PREPL: variants seen among roughly 807,000 people sequenced by gnomAD.
PREPL encodes prolyl endopeptidase-like.
A neutral mutation model predicts 70.6 loss-of-function variants in PREPL; 77 were observed. That is an observed-to-expected ratio of 1.09 (90% CI 0.91 to 1.32). The LOEUF is 1.32. PREPL is among the 40% of genes most tolerant of loss of function. The pLI, the probability that PREPL is intolerant of heterozygous loss-of-function variation, is 0.00. For missense variants in PREPL, 1,002 were observed against 778.2 expected, an observed-to-expected ratio of 1.29 and a Z score of -3.42; for synonymous variants, 315 against 264.8, an observed-to-expected ratio of 1.19 and a Z score of -1.84.
intron 7 of PREPL, 71 bp from the exon 8 acceptor site, chr2:44,332,727 C>A (rs540601566): frequency 1.2e-5 from 15 of 1,241,796 alleles, no homozygotes; most frequent in Non-Finnish European, 1.6e-5. Context: ...ATTTCTAAGT[C>A]TTCTCCAAAC....
In PREPL at chr2:44,323,424, C is replaced by A; in HGVS notation, c.1480-13G>T. 1 of 1,564,570 alleles carries A rather than the reference C, an allele frequency of 6.4e-7. No individual in the cohort carries two copies. The highest frequency in any genetic ancestry group is 8.7e-7 in the Non-Finnish European group (1 of 1,155,124). On this transcript the variant is annotated splice_polypyrimidine_tract_variant and intron_variant, in intron 10 of 13. Transcript: ENST00000409411. ...CCAAGAAAGGTGCCTAAAAAAAAGG[C>A]AAAGAAACTTATACTTCAAGTAAGA...
chr2:44,331,734 T>C (rs1030711376), intron 8 of PREPL, among the ~76,000 whole-genome samples: 2 of 152,160 alleles, frequency 1.3e-5, no homozygotes, highest in Non-Finnish European at 2.9e-5. Context: ...CAGTACATTA[T>C]TAATGACTTT....
chr2:44,345,566 T>C (rs191182592), intron 2 of PREPL, among the ~76,000 whole-genome samples: 145 of 152,252 alleles, frequency 9.5e-4, no homozygotes, highest in Non-Finnish European at 1.5e-3. Context: ...TAGGCTGGTC[T>C]TGAACTCTTG....
Position 44,323,248 on chromosome 2 carries a change from T to C in PREPL, c.1629+14A>G, listed in dbSNP as rs748376274. On this transcript the variant is annotated intron_variant, in intron 11 of 13. Transcript: ENST00000409411. ...GTAAATTCAGGATAATCTAACACAATTGTCTTTCACTACCTGAGGTTTAAT... is the reference window on the plus strand; with the variant it reads ...GTAAATTCAGGATAATCTAACACAACTGTCTTTCACTACCTGAGGTTTAAT... 3.1e-5 allele frequency: 49 copies of C among 1,578,918 alleles called. No homozygotes were observed. In the African/African-American group the frequency reaches 5.9e-4, roughly 19 times the overall value.
At chr2:44,350,783 A>C (rs1382005679) in intron 1 of PREPL, among the ~76,000 whole-genome samples, 2 of 152,192 alleles carry the variant, frequency 1.3e-5, no homozygotes, top group Non-Finnish European at 1.5e-5. Flanking sequence ...AAAGTGCAAA[A>C]GTTAATGTTC....
chr2:44,349,387 G>T (rs1166708624), intron 1 of PREPL, among the ~76,000 whole-genome samples: 2 of 152,096 alleles, frequency 1.3e-5, no homozygotes, highest in Non-Finnish European at 1.5e-5. Context: ...AACTGAAGGG[G>T]TTTCTACAGG....
rs141691599 is a variant in PREPL at position 44,338,423 on chromosome 2, T to C, written c.816A>G (p.Leu272=). 30 of 1,613,442 alleles carry C rather than the reference T, an allele frequency of 1.9e-5. No individual in the cohort carries two copies. The highest frequency in any genetic ancestry group is 2.5e-5 in the Non-Finnish European group (29 of 1,179,836). Residue 272 remains leucine (L), a synonymous_variant, in exon 7 of 14, where the codon CTA becomes CTG. Transcript: ENST00000409411. ...AAAGGAGATTGCTGTGCTTCAGAAA[T>C]AGAACACAGTGATCCTTAAACATGT... ...DLDMFKDHCV[L]FLKHSNLLYV...
intron 1 of PREPL, among the ~76,000 whole-genome samples, chr2:44,355,360 A>G (rs1249422098): frequency 2.0e-5 from 3 of 152,216 alleles, no homozygotes; most frequent in Non-Finnish European, 2.9e-5. Flanking sequence ...CAGCCTAGCC[A>G]ACATGGCGAA....
In PREPL at chr2:44,322,749, C is replaced by T; in HGVS notation, c.1735G>A (p.Ala579Thr). 3 of 1,613,786 alleles carry T rather than the reference C, an allele frequency of 1.9e-6. No individual in the cohort carries two copies. The highest frequency in any genetic ancestry group is 1.7e-6 in the Non-Finnish European group (2 of 1,179,764). The change falls in exon 12 of 14, where the codon GCT becomes ACT. Residue 579 changes from alanine (A) to threonine (T), a missense_variant. Ala to Thr is a moderately conservative substitution (Grantham distance 58). Transcript: ENST00000409411. ...CTCCTACCTTCACCTGTGTCCTTAG[C>T]ATGCTCCGCGATGGCTTCCTTGAGT... is the stretch of plus-strand genomic sequence containing the variant. ...EKLKEAIAEH[A>T]KDTGEGYQTP...
At chr2:44,331,499 C>T (rs1190865026) in intron 8 of PREPL, among the ~76,000 whole-genome samples, 1 of 152,202 alleles carries the variant, frequency 6.6e-6, no homozygotes, top group Non-Finnish European at 1.5e-5. Context: ...AGCCACTGTG[C>T]CCGGCCAGCC....
At chr2:44,355,352 G>C (rs1572575985) in intron 1 of PREPL, among the ~76,000 whole-genome samples, 1 of 152,152 alleles carries the variant, frequency 6.6e-6, no homozygotes, top group African/African-American at 2.4e-5. Context: ...TTCCAGACCA[G>C]CCTAGCCAAC....
intron 12 of PREPL, among the ~76,000 whole-genome samples, chr2:44,322,504 TCCTG>T (rs373930036): frequency 1.8e-4 from 28 of 152,366 alleles, no homozygotes; most frequent in African/African-American, 6.7e-4. Flanking sequence ...TTCCTTTGTG[TCCTG>T]CCTATCTATT....
At position 44,321,019 on chromosome 2, in the gene PREPL, G is replaced by C. The variant is rs1672895394; in HGVS notation, c.*337C>G. ...GTGTCTAAAAGCATTTGCTAGCAAA[G>C]AGGCAGGACACTAATTTGTAAACTG... On this transcript the variant is annotated 3_prime_UTR_variant, in exon 14 of 14. Coordinates refer to ENST00000409411, the MANE Select transcript of PREPL (RefSeq NM_001171613.2). The C allele has an allele frequency of 5.2e-6, 2 of 384,036 alleles. No homozygotes were observed. The highest frequency in any genetic ancestry group is 2.9e-5 in the South Asian group (1 of 34,832). The allele number at this position is 384,036 out of a possible 1,614,324, so 23.8% of individuals were successfully genotyped here.
intron 10 of PREPL, among the ~76,000 whole-genome samples, chr2:44,324,755 C>T (rs1257511528): frequency 6.6e-6 from 1 of 152,042 alleles, no homozygotes; most frequent in African/African-American, 2.4e-5. Flanking sequence ...GGCATGGTGG[C>T]ACATGCCTGT....
chr2:44,356,579 T>C (rs1313630071), intron 1 of PREPL, among the ~76,000 whole-genome samples: 3 of 151,954 alleles, frequency 2.0e-5, no homozygotes, highest in Non-Finnish European at 4.4e-5. Flanking sequence ...AACAGATGTG[T>C]AGGCCTCAAC....
At chr2:44,349,355 A>G in intron 1 of PREPL, among the ~76,000 whole-genome samples, 1 of 152,184 alleles carries the variant, frequency 6.6e-6, no homozygotes, top group Non-Finnish European at 1.5e-5. Flanking sequence ...TAATGGAGAC[A>G]TGTCAAAAGA....
intron 1 of PREPL, among the ~76,000 whole-genome samples, chr2:44,352,032 T>C (rs1445949941): frequency 6.6e-6 from 1 of 152,222 alleles, no homozygotes; most frequent in Non-Finnish European, 1.5e-5. Flanking sequence ...CTTGAACATA[T>C]CAAGCTTGCT....
chr2:44,355,089 A>AT (rs1168866434), intron 1 of PREPL, among the ~76,000 whole-genome samples: 1 of 152,256 alleles, frequency 6.6e-6, no homozygotes, highest in Non-Finnish European at 1.5e-5. Flanking sequence ...GATAAAGATC[A>AT]TAATAGCTTT....
chr2:44,326,609 A>T, intron 10 of PREPL, 103 bp downstream of exon 10: 1 of 1,203,558 alleles, frequency 8.3e-7, no homozygotes, highest in Non-Finnish European at 1.2e-6. Flanking sequence ...TGCTGGGATT[A>T]CAGGCATGAG....
Sources: gnomAD v4.1 joint callset for allele counts (sites outside exome capture counted in the v4.1 genomes callset) on GRCh38, gnomAD v4.1.1 for gene constraint, MANE v1.5 for transcripts, NCBI Gene and HGNC (gene_info 2026-07-23, HGNC 2026-07-21) for gene names.